THADA: variants seen among roughly 807,000 people sequenced by gnomAD.
The protein encoded by THADA is tRNA (32-2'-O)-methyltransferase regulator THADA.
THADA carries 213 observed loss-of-function variants against 219.8 expected under a neutral mutation model. The observed-to-expected ratio is 0.97, with a 90% CI of 0.87 to 1.09. THADA has a LOEUF of 1.09. THADA is among the 50% of genes least tolerant of loss of function. The probability of loss-of-function intolerance (pLI) is 0.00; values close to 1 mark genes in which losing one functional copy is unlikely to be tolerated. For synonymous variants in THADA, 1,018 were observed against 828.9 expected (o/e 1.23, Z -3.92); for missense variants, 2,956 against 2,311.3 (o/e 1.28, Z -5.72).
Position 43,322,495 on chromosome 2 carries a change from C to A in THADA, c.4344-1955G>T, listed in dbSNP as rs373051429. On this transcript the variant is annotated intron_variant, in intron 30 of 37. Coordinates refer to ENST00000405975, the MANE Select transcript of THADA (RefSeq NM_022065.5). The stretch of plus-strand genomic sequence containing the variant: ...TGCCAGCCTGGGTGACAGAGTGAGA[C>A]TCTGTCTCAAAAATAAATAAATAAA... Among the ~76,000 whole-genome samples the A allele has an allele frequency of 3.9e-4, 59 of 151,518 alleles. No individual in the cohort carries two copies. In the South Asian group the frequency reaches 0.012, roughly 31 times the overall value.
intron 31 of THADA, among the ~76,000 whole-genome samples, chr2:43,312,130 G>T (rs1188133019): frequency 6.6e-6 from 1 of 151,614 alleles, no homozygotes; most frequent in Non-Finnish European, 1.5e-5. Context: ...GAGGCAGGAG[G>T]ATCACTTGGG....
chr2:43,416,038 C>A (rs1197438478), intron 28 of THADA, among the ~76,000 whole-genome samples: 1 of 152,096 alleles, frequency 6.6e-6, no homozygotes, highest in African/African-American at 2.4e-5. Flanking sequence ...AAAAATAATT[C>A]TATTTCTTAA....
intron 31 of THADA, among the ~76,000 whole-genome samples, chr2:43,310,602 A>T (rs1677394319): frequency 6.6e-6 from 1 of 152,234 alleles, no homozygotes; most frequent in Non-Finnish European, 1.5e-5. Context: ...CTCAACATGG[A>T]TCATAAACTT....
rs79024384 is a variant in THADA, at chr2:43,307,337, G to C, written c.4438+13109C>G. ...GGAATTTGTGGGGCACAATACCGGA[G>C]AGAACAAATCTGTATAGTGAGAGAG... On this transcript the variant is annotated intron_variant, in intron 31 of 37. Coordinates refer to ENST00000405975, the MANE Select transcript of THADA (RefSeq NM_022065.5). Among the ~76,000 whole-genome samples the C allele has an allele frequency of 7.2e-3, 1,096 of 152,344 alleles. 8 individuals carry two copies. The highest frequency in any genetic ancestry group is 0.023 in the African/African-American group (971 of 41,568).
chr2:43,289,688 G>C (rs1180548827), intron 34 of THADA, among the ~76,000 whole-genome samples: 2 of 152,172 alleles, frequency 1.3e-5, no homozygotes, highest in African/African-American at 2.4e-5. Context: ...GTCTTGCTCT[G>C]TTGCCCAGGC....
chr2:43,524,275 G>C (rs1397997112), intron 22 of THADA, among the ~76,000 whole-genome samples: 1 of 152,152 alleles, frequency 6.6e-6, no homozygotes, highest in Non-Finnish European at 1.5e-5. Context: ...AAGTAACAAT[G>C]TCTCCATCCC....
At chr2:43,405,310 T>C (rs1293609998) in intron 28 of THADA, among the ~76,000 whole-genome samples, 1 of 152,200 alleles carries the variant, frequency 6.6e-6, no homozygotes, top group African/African-American at 2.4e-5. Context: ...TGTGCATGCA[T>C]AAAAGAGAGA....
intron 35 of THADA, among the ~76,000 whole-genome samples, chr2:43,285,701 C>A (rs1673917114): frequency 6.6e-6 from 1 of 151,892 alleles, no homozygotes; most frequent in Non-Finnish European, 1.5e-5. Context: ...CAGGCATGTG[C>A]CACCAAGCCT....
intron 11 of THADA, among the ~76,000 whole-genome samples, chr2:43,573,404 C>A (rs1699507456): frequency 6.6e-6 from 1 of 152,078 alleles, no homozygotes; most frequent in Non-Finnish European, 1.5e-5. Flanking sequence ...CTGTTTCTCA[C>A]TAGTAAAGAT....
At chr2:43,543,686 C>CT (rs1444654827) in intron 20 of THADA, among the ~76,000 whole-genome samples, 1 of 152,192 alleles carries the variant, frequency 6.6e-6, no homozygotes, top group Non-Finnish European at 1.5e-5. Flanking sequence ...TTGAGAAGTT[C>CT]TGTTCATGTC....
At chr2:43,328,870 C>A (rs1444147370) in intron 30 of THADA, among the ~76,000 whole-genome samples, 1 of 152,198 alleles carries the variant, frequency 6.6e-6, no homozygotes, top group South Asian at 2.1e-4. Context: ...CATGCCTTTG[C>A]CTTTCCCTCC....
At chr2:43,350,666 C>T (rs943964997) in intron 29 of THADA, among the ~76,000 whole-genome samples, 3 of 152,226 alleles carry the variant, frequency 2.0e-5, no homozygotes, top group Admixed American at 6.5e-5. Context: ...CCTTGGGATA[C>T]CTGAATTCCT....
intron 26 of THADA, among the ~76,000 whole-genome samples, chr2:43,457,603 T>C (rs1683171402): frequency 6.6e-6 from 1 of 152,220 alleles, no homozygotes; most frequent in South Asian, 2.1e-4. Flanking sequence ...AATTCTGGCA[T>C]TCCATCTTAT....
chr2:43,388,983 AT>A (rs1281656385), intron 29 of THADA, among the ~76,000 whole-genome samples: 1 of 152,184 alleles, frequency 6.6e-6, no homozygotes, highest in Non-Finnish European at 1.5e-5. Context: ...AGCAGCAAGT[AT>A]TAATAATAGC....
intron 36 of THADA, among the ~76,000 whole-genome samples, chr2:43,243,075 C>T (rs1419818261): frequency 2.0e-5 from 3 of 152,274 alleles, no homozygotes; most frequent in East Asian, 1.9e-4. Context: ...CAGAAAGTTG[C>T]GAAGATTCTA....
intron 36 of THADA, among the ~76,000 whole-genome samples, chr2:43,247,082 G>A (rs1669231381): frequency 2.0e-5 from 3 of 152,186 alleles, no homozygotes; most frequent in Non-Finnish European, 1.5e-5. Flanking sequence ...TGAGTCTTAA[G>A]GGTTTCGAGA....
intron 30 of THADA, among the ~76,000 whole-genome samples, chr2:43,342,351 C>G (rs527843677): frequency 6.6e-5 from 10 of 152,222 alleles, no homozygotes; most frequent in African/African-American, 2.4e-4. Flanking sequence ...TTGAGATACA[C>G]ACATCCACAC....
At chr2:43,475,700 T>C (rs950164374) in intron 26 of THADA, among the ~76,000 whole-genome samples, 5 of 152,244 alleles carry the variant, frequency 3.3e-5, no homozygotes, top group African/African-American at 1.2e-4. Flanking sequence ...AGTAAAGTCA[T>C]GTGTAAAGAC....
chr2:43,311,025 A>G (rs911931051), intron 31 of THADA, among the ~76,000 whole-genome samples: 2 of 152,150 alleles, frequency 1.3e-5, no homozygotes, highest in Non-Finnish European at 2.9e-5. Flanking sequence ...AAAAATACAA[A>G]ATTAGCCAGG....
Sources: allele counts gnomAD v4.1 joint callset (sites outside exome capture counted in the v4.1 genomes callset), GRCh38; gene constraint gnomAD v4.1.1; transcripts MANE v1.5; gene names NCBI Gene and HGNC (gene_info 2026-07-23, HGNC 2026-07-21).